Variants in DENND2C observed in about 807,000 individuals in gnomAD.
DENND2C encodes the protein DENN domain containing 2C.
DENND2C carries 72 observed loss-of-function variants against 112.4 expected under a neutral mutation model. The observed-to-expected ratio is 0.64, with a 90% CI of 0.53 to 0.78. The LOEUF is 0.78. DENND2C is among the 30% of genes least tolerant of loss of function. DENND2C has a pLI of 0.00. For missense variants in DENND2C, 992 were observed against 1,113.8 expected, an observed-to-expected ratio of 0.89 and a Z score of 1.56; for synonymous variants, 329 against 381.6, an observed-to-expected ratio of 0.86 and a Z score of 1.61.
In DENND2C at chr1:114,631,521, C is replaced by A. The variant is rs560273014; in HGVS notation, c.-204-5333G>T. On this transcript the variant is annotated intron_variant, in intron 3 of 20. Transcript: ENST00000393274. The stretch of plus-strand genomic sequence containing the variant: ...GAACCGGGCCAGGCGTGGTGGCTCA[C>A]GCCTGTAATCCCAGCACTTTGGGAG... 3.3e-5 allele frequency among the ~76,000 whole-genome samples: 5 copies of A among 151,596 alleles called. No homozygotes were observed. The South Asian group carries it at 1.0e-3, about 32-fold the overall frequency.
chr1:114,654,978 A>G (rs1657269242), intron 1 of DENND2C, among the ~76,000 whole-genome samples: 1 of 152,106 alleles, frequency 6.6e-6, no homozygotes, highest in Non-Finnish European at 1.5e-5. Flanking sequence ...CCCATATAAC[A>G]CTTTTGCTAT....
chr1:114,631,268 G>C, intron 3 of DENND2C, among the ~76,000 whole-genome samples: 1 of 151,616 alleles, frequency 6.6e-6, no homozygotes, highest in African/African-American at 2.4e-5. Flanking sequence ...CCCAGCTACT[G>C]GGGTGGCTGA....
intron 1 of DENND2C, among the ~76,000 whole-genome samples, chr1:114,662,782 C>T (rs907781849): frequency 6.6e-6 from 1 of 151,990 alleles, no homozygotes; most frequent in African/African-American, 2.4e-5. Context: ...GTATTGAGAC[C>T]CCATCTCTAC....
chr1:114,613,855 A>G (rs1300019001), intron 8 of DENND2C, among the ~76,000 whole-genome samples: 2 of 152,214 alleles, frequency 1.3e-5, no homozygotes, highest in Admixed American at 1.3e-4. Flanking sequence ...CTCTTTTAAT[A>G]TGAGACTTCA....
At position 114,625,958 on chromosome 1, in the gene DENND2C, A is replaced by G. The variant is rs1243069934; in HGVS notation, c.27T>C (p.Thr9=). ...AGTGGCTTCTTGACAGTGTCTGAAC[A>G]GTAGTACGAGAAAAACCAACATCCA... MDVGFSRT[T]VQTLSRSHCK... Residue 9 remains threonine (T), a synonymous_variant, in exon 4 of 21, where the codon ACT becomes ACC. Transcript: ENST00000393274. 1 of 1,610,432 alleles carries G rather than the reference A, an allele frequency of 6.2e-7. No homozygotes were observed.
intron 1 of DENND2C, among the ~76,000 whole-genome samples, chr1:114,667,741 T>A (rs957684604): frequency 6.6e-6 from 1 of 152,198 alleles, no homozygotes; most frequent in African/African-American, 2.4e-5. Flanking sequence ...CTCACAGAAT[T>A]TGAAACTCAG....
chr1:114,645,423 G>GA (rs1656953477), intron 3 of DENND2C, 25 bp downstream of exon 3: 1 of 152,190 alleles, frequency 6.6e-6, no homozygotes, highest in Non-Finnish European at 1.5e-5. Context: ...ACGAGCCAAG[G>GA]AAACAGGCCT....
At chr1:114,655,553 G>A (rs966997806) in intron 1 of DENND2C, among the ~76,000 whole-genome samples, 15 of 151,616 alleles carry the variant, frequency 9.9e-5, no homozygotes, top group Middle Eastern at 3.4e-3. Flanking sequence ...GTGTGATCTC[G>A]GCTCACTGCA....
chr1:114,627,582 CAAAA>C (rs5777200), intron 3 of DENND2C, among the ~76,000 whole-genome samples: 3 of 144,112 alleles, frequency 2.1e-5, no homozygotes, highest in East Asian at 4.5e-4. Flanking sequence ...TAGTCTGACG[CAAAA>C]AAAAAAAAAA....
intron 4 of DENND2C, 74 bp downstream of exon 4, chr1:114,625,105 G>T: frequency 7.0e-7 from 1 of 1,430,914 alleles, no homozygotes; most frequent in Non-Finnish European, 9.3e-7. Context: ...AAACTGGTTT[G>T]AAAAGGAAAA....
At chr1:114,617,140 T>G (rs1166323568) in intron 8 of DENND2C, among the ~76,000 whole-genome samples, 2 of 152,150 alleles carry the variant, frequency 1.3e-5, no homozygotes, top group Non-Finnish European at 2.9e-5. Flanking sequence ...TTCTGGGAGA[T>G]ATGATTCAAG....
chr1:114,648,055 G>A (rs557479835), intron 2 of DENND2C, among the ~76,000 whole-genome samples: 5 of 152,258 alleles, frequency 3.3e-5, no homozygotes, highest in East Asian at 1.9e-4. Context: ...TGATCCACCC[G>A]CCTTGGCCTC....
chr1:114,595,847 G>A lies in DENND2C; in HGVS notation c.2310C>T (p.Asp770=). 6.2e-7 allele frequency: 1 copy of A among 1,613,872 alleles called. No homozygotes were observed. The highest frequency in any genetic ancestry group is 1.7e-5 in the Admixed American group (1 of 60,016). ...EEVLIVDLCA[D]KFLQEVSDED... ...TGGCACTCACCTCCTGTAAGAACTT[G>A]TCTGCACAGAGATCAACTATCAGCA... is the stretch of plus-strand genomic sequence containing the variant. Residue 770 remains aspartate, a synonymous_variant, in exon 17 of 21, where the codon GAC becomes GAT. Transcript: ENST00000393274.
chr1:114,592,471 G>T (rs1655220691), intron 18 of DENND2C, among the ~76,000 whole-genome samples: 1 of 152,038 alleles, frequency 6.6e-6, no homozygotes, highest in African/African-American at 2.4e-5. Flanking sequence ...TAATCCCACG[G>T]CTTTGAGAGG....
At chr1:114,661,277 G>C (rs914959322) in intron 1 of DENND2C, among the ~76,000 whole-genome samples, 1 of 152,124 alleles carries the variant, frequency 6.6e-6, no homozygotes. Flanking sequence ...GTAAAGAATA[G>C]AGCTATGTCA....
At chr1:114,655,883 A>ATATATATATATATAT (rs1557960847) in intron 1 of DENND2C, among the ~76,000 whole-genome samples, 1,684 of 125,638 alleles carry the variant, frequency 0.013, 51 homozygotes, top group East Asian at 0.063. Flanking sequence ...TATATGTATA[A>ATATATATATATATAT]ATATATATAT....
chr1:114,618,553 T>A, intron 7 of DENND2C, 71 bp from the exon 8 acceptor site: 1 of 845,200 alleles, frequency 1.2e-6, no homozygotes, highest in African/African-American at 1.7e-5. Context: ...GACATTAATC[T>A]ATTAGGGATT....
At chr1:114,659,298 C>T (rs1314911864) in intron 1 of DENND2C, among the ~76,000 whole-genome samples, 6 of 151,934 alleles carry the variant, frequency 3.9e-5, no homozygotes, top group African/African-American at 1.5e-4. Context: ...GTCAGGAGTT[C>T]GAGACCAGCC....
At chr1:114,608,662 G>A (rs187628848) in intron 10 of DENND2C, 24 bp downstream of exon 10, 1 of 1,605,782 alleles carries the variant, frequency 6.2e-7, no homozygotes, top group East Asian at 2.2e-5. Context: ...ATTCCTGAAT[G>A]CCTCTTGGCC....
Sources: allele counts gnomAD v4.1 joint callset (sites outside exome capture counted in the v4.1 genomes callset), GRCh38; gene constraint gnomAD v4.1.1; transcripts MANE v1.5; gene names NCBI Gene and HGNC (gene_info 2026-07-23, HGNC 2026-07-21).